MCIDAS: variants seen among roughly 807,000 people sequenced by gnomAD.
MCIDAS encodes multicilin.
A neutral mutation model predicts 35.4 loss-of-function variants in MCIDAS; 23 were observed. That is an observed-to-expected ratio of 0.65 (90% CI 0.47 to 0.92). The LOEUF is 0.92. Ranked by LOEUF, MCIDAS falls within the 40% of genes least tolerant of loss-of-function variation. The pLI is 0.00. For synonymous variants in MCIDAS, 228 were observed against 235.2 expected, an observed-to-expected ratio of 0.97 and a Z score of 0.28; for missense variants, 480 against 531.8, an observed-to-expected ratio of 0.90 and a Z score of 0.96.
Position 55,227,303 on chromosome 5 carries a change from G to C in MCIDAS, c.-165C>G, listed in dbSNP as rs988938830. On this transcript the variant is annotated 5_prime_UTR_variant, in exon 1 of 7. Coordinates refer to ENST00000513312, the MANE Select transcript of MCIDAS (RefSeq NM_001190787.3). The stretch of plus-strand genomic sequence containing the variant: ...GCCGAGGGGCTGCCGAGGAGGTGCT[G>C]AGAGATGGCGGGGGAGGGGGAGGAC... 2 of 952,786 alleles carry C rather than the reference G, an allele frequency of 2.1e-6. No individual in the cohort carries two copies. Among genetic ancestry groups the C allele is most frequent in the Non-Finnish European group, 2.8e-6 (2 of 708,090 alleles). The allele number at this position is 952,786 out of a possible 1,614,324, so 59.0% of individuals were successfully genotyped here. A position where few individuals can be genotyped will look rare whatever the true frequency, so the allele number is the denominator to read the frequency against.
At position 55,221,112 on chromosome 5, in the gene MCIDAS, C is replaced by T; in HGVS notation, c.621G>A (p.Leu207=). The stretch of plus-strand genomic sequence containing the variant: ...AGGCGATCTCCTCCTGTTTCTGGGT[C>T]AATGTCACGTGCAGCTGCAGGAGGA... ...LVENNQLHVT[L]TQKQEEIASL... The change falls in exon 6 of 7, where the codon TTG becomes TTA. Residue 207 remains leucine (L), a synonymous_variant. Coordinates refer to ENST00000513312, the MANE Select transcript of MCIDAS (RefSeq NM_001190787.3). 1 of 1,536,050 alleles carries T rather than the reference C, an allele frequency of 6.5e-7. No homozygotes were observed. The highest frequency in any genetic ancestry group is 2.4e-5 in the East Asian group (1 of 40,912).
At position 55,220,784 on chromosome 5, in the gene MCIDAS, C is replaced by T; in HGVS notation, c.740G>A (p.Arg247Gln). The T allele has an allele frequency of 1.3e-6, 2 of 1,530,650 alleles. No homozygotes were observed. The highest frequency in any genetic ancestry group is 1.8e-6 in the Non-Finnish European group (2 of 1,142,640). The allele number at this position is 1,530,650 out of a possible 1,614,324, so 94.8% of individuals were successfully genotyped here. A position where few individuals can be genotyped will look rare whatever the true frequency, so the allele number is the denominator to read the frequency against. ...GGGCTCGGCCGCCGCCCCACAATCC[C>T]GGGACTGTGTGATCATCAGCTTCTA... is the stretch of plus-strand genomic sequence containing the variant. The part of the protein sequence containing the change: ...VLDKLMITQS[R>Q]DCGAAAEPFL... The change falls in exon 7 of 7, where the codon CGG becomes CAG. Residue 247 changes from arginine (R) to glutamine (Q), a missense_variant. Coordinates refer to ENST00000513312, the MANE Select transcript of MCIDAS (RefSeq NM_001190787.3).
At position 55,226,560 on chromosome 5, in the gene MCIDAS, C is replaced by A. The variant is rs1745457229; in HGVS notation, c.309+16G>T. 2.0e-6 allele frequency: 3 copies of A among 1,528,366 alleles called. No individual in the cohort carries two copies. The highest frequency in any genetic ancestry group is 1.2e-5 in the South Asian group (1 of 83,196). The allele number at this position is 1,528,366 out of a possible 1,614,324, so 94.7% of individuals were successfully genotyped here. A position where few individuals can be genotyped will look rare whatever the true frequency, so the allele number is the denominator to read the frequency against. Reference sequence around the variant, plus strand: ...GGTTGCGTGAAACCACGAGGCTCCACGAGAAGGGGAGGTACCTGCGAGGCG... The same window carrying A: ...GGTTGCGTGAAACCACGAGGCTCCAAGAGAAGGGGAGGTACCTGCGAGGCG... On this transcript the variant is annotated intron_variant, in intron 3 of 6. Coordinates refer to ENST00000513312, the MANE Select transcript of MCIDAS (RefSeq NM_001190787.3).
At position 55,220,771 on chromosome 5, in the gene MCIDAS, C is replaced by T. The variant is rs1355165281; in HGVS notation, c.753G>A (p.Ala251=). The T allele has an allele frequency of 2.0e-6, 3 of 1,533,576 alleles. No homozygotes were observed. The highest frequency in any genetic ancestry group is 3.4e-4 in the Middle Eastern group (2 of 5,884). The allele number at this position is 1,533,576 out of a possible 1,614,324, so 95.0% of individuals were successfully genotyped here. ...CCTTGAGCAGGAAGGGCTCGGCCGC[C>T]GCCCCACAATCCCGGGACTGTGTGA... ...LMITQSRDCG[A]AAEPFLLKAK... Residue 251 remains alanine, a synonymous_variant, in exon 7 of 7, where the codon GCG becomes GCA. Coordinates refer to ENST00000513312, the MANE Select transcript of MCIDAS (RefSeq NM_001190787.3).
At chr5:55,220,989 G>GT in intron 6 of MCIDAS, 27 bp downstream of exon 6, 1 of 1,525,450 alleles carries the variant, frequency 6.6e-7, no homozygotes, top group South Asian at 1.2e-5. Context: ...ACGTGCTGCA[G>GT]TTCCCACACG....
At position 55,220,199 on chromosome 5, in the gene MCIDAS, GC is replaced by G; in HGVS notation, c.*166del. On this transcript the variant is annotated 3_prime_UTR_variant, in exon 7 of 7. Coordinates refer to ENST00000513312, the MANE Select transcript of MCIDAS (RefSeq NM_001190787.3). ...GAGTTTCACTGTGACAAGGGGAGGG[GC>G]TATACAATGTTTTGTAGCAGAAATT... The G allele has an allele frequency of 4.6e-6, 3 of 650,598 alleles. No homozygotes were observed. Among genetic ancestry groups the G allele is most frequent in the Non-Finnish European group, 7.8e-6 (3 of 385,394 alleles). The allele number at this position is 650,598 out of a possible 1,614,324, so 40.3% of individuals were successfully genotyped here.
In MCIDAS at chr5:55,223,083, A is replaced by G; in HGVS notation, c.310-60T>C. 7.3e-7 allele frequency: 1 copy of G among 1,364,708 alleles called. No homozygotes were observed. Among genetic ancestry groups the G allele is most frequent in the Non-Finnish European group, 1.0e-6 (1 of 991,626 alleles). 84.5% of individuals were successfully genotyped at this position (1,364,708 alleles called of 1,614,324 possible). A position where few individuals can be genotyped will look rare whatever the true frequency, so the allele number is the denominator to read the frequency against. On this transcript the variant is annotated intron_variant, in intron 3 of 6. Transcript: ENST00000513312. The surrounding 1 kb of genome is among the most constrained non-coding windows in gnomAD (Gnocchi z 4.4). Reference sequence around the variant, plus strand: ...GTCTGGCGTTAGAAAGCCTTCAATAAATATTGGCGTCCCTGTTAAAAATCT... The same window carrying G: ...GTCTGGCGTTAGAAAGCCTTCAATAGATATTGGCGTCCCTGTTAAAAATCT...
chr5:55,220,496 T>G lies in MCIDAS; in HGVS notation c.1028A>C (p.Glu343Ala), dbSNP rs1745332060. Residue 343 changes from glutamate (E) to alanine (A), a missense_variant, in exon 7 of 7, where the codon GAG (glutamate) becomes GCG (alanine). By Grantham distance (107) the Glu-to-Ala change is moderately radical. Transcript: ENST00000513312. Reference sequence around the variant, plus strand: ...GCGGGTGCTGAAGGAGCCGCCCTCCTCCAGCTCACTGTGGCTCAGGTTCAA... The same window carrying G: ...GCGGGTGCTGAAGGAGCCGCCCTCCGCCAGCTCACTGTGGCTCAGGTTCAA... ...SALNLSHSELEEGGSFSTRIR... is the reference protein window; with the variant it reads ...SALNLSHSELAEGGSFSTRIR... The G allele has an allele frequency of 6.5e-7, 1 of 1,535,998 alleles. No individual in the cohort carries two copies.
chr5:55,225,351 A>G (rs1409924366), intron 3 of MCIDAS, among the ~76,000 whole-genome samples: 2 of 152,244 alleles, frequency 1.3e-5, no homozygotes, highest in Non-Finnish European at 2.9e-5. Context: ...GTATACTTAG[A>G]CAAACATCCA....
In MCIDAS at chr5:55,226,649, A is replaced by G; in HGVS notation, c.236T>C (p.Leu79Pro). 5 of 1,530,258 alleles carry G rather than the reference A, an allele frequency of 3.3e-6. No individual in the cohort carries two copies. Among genetic ancestry groups the G allele is most frequent in the Non-Finnish European group, 4.4e-6 (5 of 1,144,172 alleles). 94.8% of individuals were successfully genotyped at this position (1,530,258 alleles called of 1,614,324 possible). A position where few individuals can be genotyped will look rare whatever the true frequency, so the allele number is the denominator to read the frequency against. ...TALPALTTID[L>P]QDLADCSSLL... ...CGAAGAGCAGTCAGCGAGGTCCTGC[A>G]GGTCTATGGTGGTGAGGGCTGCGCG... The change falls in exon 3 of 7, where the codon CTG becomes CCG. Residue 79 changes from leucine to proline, a missense_variant. Physicochemically the swap from Leu to Pro is moderately conservative, Grantham distance 98. Transcript: ENST00000513312.
Position 55,219,907 on chromosome 5 carries a change from A to G in MCIDAS, c.*459T>C, listed in dbSNP as rs1275969751. 2 of 152,774 alleles carry G rather than the reference A, an allele frequency of 1.3e-5. No homozygotes were observed. Among genetic ancestry groups the G allele is most frequent in the African/African-American group, 4.8e-5 (2 of 41,594 alleles). 9.5% of individuals were successfully genotyped at this position (152,774 alleles called of 1,614,324 possible). A position where few individuals can be genotyped will look rare whatever the true frequency, so the allele number is the denominator to read the frequency against. On this transcript the variant is annotated 3_prime_UTR_variant, in exon 7 of 7. Transcript: ENST00000513312. ...GGGAAGTTGAGTGATGTATAAAAAC[A>G]TTCACCCAGAAACCAGGCTTCTGGG...
rs1745457628 is a variant in MCIDAS, at chr5:55,226,570, A to G, written c.309+6T>C. 3 of 1,529,412 alleles carry G rather than the reference A, an allele frequency of 2.0e-6. No homozygotes were observed. Among genetic ancestry groups the G allele is most frequent in the East Asian group, 2.5e-5 (1 of 40,254 alleles). The allele number at this position is 1,529,412 out of a possible 1,614,324, so 94.7% of individuals were successfully genotyped here. On this transcript the variant is annotated splice_donor_region_variant and intron_variant, in intron 3 of 6. Transcript: ENST00000513312. ...AACCACGAGGCTCCACGAGAAGGGG[A>G]GGTACCTGCGAGGCGGCCAGGTCAC... is the stretch of plus-strand genomic sequence containing the variant.
chr5:55,225,678 G>A (rs907534539), intron 3 of MCIDAS, among the ~76,000 whole-genome samples: 1 of 152,198 alleles, frequency 6.6e-6, no homozygotes, highest in Non-Finnish European at 1.5e-5. Flanking sequence ...ATTCTTTGTA[G>A]AGTTCCATAC....
Position 55,222,194 on chromosome 5 carries a change from C to T in MCIDAS, c.588G>A (p.Ala196=), listed in dbSNP as rs1745371663. The T allele has an allele frequency of 9.1e-6, 14 of 1,535,026 alleles. No homozygotes were observed. Among genetic ancestry groups the T allele is most frequent in the Admixed American group, 2.0e-5 (1 of 50,994 alleles). The part of the protein sequence containing the change: ...ADQNQRALGD[A]LVENNQLHVT... The stretch of plus-strand genomic sequence containing the variant: ...TCCCTACTTGATTATTCTCAACAAG[C>T]GCGTCTCCCAACGCTCTCTGGTTCT... The change falls in exon 5 of 7, where the codon GCG becomes GCA. Residue 196 remains alanine, a synonymous_variant. Transcript: ENST00000513312.
At chr5:55,222,851 G>T in intron 4 of MCIDAS, 100 bp downstream of exon 4, 3 of 1,017,344 alleles carry the variant, frequency 2.9e-6, no homozygotes, top group Non-Finnish European at 4.4e-6. Flanking sequence ...TTGACAGTTG[G>T]CTGGGTTTAC....
At position 55,225,619 on chromosome 5, in the gene MCIDAS, G is replaced by A. The variant is rs148225753; in HGVS notation, c.309+957C>T. Among the ~76,000 whole-genome samples the A allele has an allele frequency of 5.8e-3, 890 of 152,364 alleles. 2 individuals are homozygous for A. The highest frequency in any genetic ancestry group is 0.01 in the Middle Eastern group (3 of 294). The stretch of plus-strand genomic sequence containing the variant: ...CCAAGGTTCTAGGAGGCCCTTGGAG[G>A]AGGGCTGAGTTTTGCTCCACCAGCA... On this transcript the variant is annotated intron_variant, in intron 3 of 6. Transcript: ENST00000513312.
chr5:55,222,986 T>G lies in MCIDAS; in HGVS notation c.347A>C (p.Gln116Pro). 6.5e-7 allele frequency: 1 copy of G among 1,536,124 alleles called. No individual in the cohort carries two copies. The highest frequency in any genetic ancestry group is 8.7e-7 in the Non-Finnish European group (1 of 1,146,904). Residue 116 changes from glutamine (Q) to proline (P), a missense_variant, in exon 4 of 7, where the codon CAA (glutamine) becomes CCA (proline). By Grantham distance (76) the Gln-to-Pro change is moderately conservative. Coordinates refer to ENST00000513312, the MANE Select transcript of MCIDAS (RefSeq NM_001190787.3). ...SHQTEADFNL[Q>P]DFRDTVDDLI... ...ATCATCCACCGTGTCTCTGAAATCT[T>G]GCAGATTGAAGTCTGCTTCCGTTTG...
At chr5:55,224,874 A>G (rs334881) in intron 3 of MCIDAS, among the ~76,000 whole-genome samples, 21,608 of 152,028 alleles carry the variant, frequency 0.14, 1,722 homozygotes, top group East Asian at 0.26. Flanking sequence ...AAATTCCTGG[A>G]TTTTTTGGTC....
Position 55,227,131 on chromosome 5 carries a change from G to T in MCIDAS, c.8C>A (p.Ala3Glu), listed in dbSNP as rs1268527093. The change falls in exon 1 of 7, where the codon GCG becomes GAG. Residue 3 changes from alanine (A) to glutamate (E), a missense_variant. Coordinates refer to ENST00000513312, the MANE Select transcript of MCIDAS (RefSeq NM_001190787.3). MQ[A>E]CGGGAAGRRA... ...ACGGCCGGCCGCGCCGCCCCCGCAC[G>T]CCTGCATTGTGCCTCCTGCCTCCGG... The T allele has an allele frequency of 2.7e-5, 40 of 1,460,902 alleles. No individual in the cohort carries two copies. The highest frequency in any genetic ancestry group is 3.4e-5 in the Non-Finnish European group (38 of 1,115,006). 90.5% of individuals were successfully genotyped at this position (1,460,902 alleles called of 1,614,324 possible).
Sources: gnomAD v4.1 joint callset for allele counts (sites outside exome capture counted in the v4.1 genomes callset) on GRCh38, gnomAD v4.1.1 for gene constraint, Gnocchi (gnomAD v3.1) non-coding constraint, MANE v1.5 for transcripts, NCBI Gene and HGNC (gene_info 2026-07-23, HGNC 2026-07-21) for gene names.